ENTREP2: variants seen among roughly 807,000 people sequenced by gnomAD.
ENTREP2 encodes the protein endosomal transmembrane epsin interactor 2, also known as protein ENTREP2.
chr15:29,507,655 T>C, the ENTREP2 span, among the ~76,000 whole-genome samples: 2 of 152,148 alleles, frequency 1.3e-5, no homozygotes, highest in South Asian at 4.1e-4. Context: ...GAATGACCAC[T>C]GGGTAAATAA....
the ENTREP2 span, among the ~76,000 whole-genome samples, chr15:29,505,063 T>C: frequency 6.6e-6 from 1 of 152,244 alleles, no homozygotes; most frequent in African/African-American, 2.4e-5. This position sits in a 1 kb window ranked among gnomAD's most constrained non-coding sequence, Gnocchi z 4.3. Flanking sequence ...GAATATCTTA[T>C]ACAAACCATA....
the ENTREP2 span, among the ~76,000 whole-genome samples, chr15:29,243,369 T>C: frequency 2.0e-5 from 3 of 152,168 alleles, no homozygotes; most frequent in South Asian, 4.1e-4. Flanking sequence ...AAAGTCTAAC[T>C]ACCTAAAAAG....
the ENTREP2 span, among the ~76,000 whole-genome samples, chr15:29,465,628 ACT>A: frequency 3.9e-5 from 6 of 152,306 alleles, no homozygotes; most frequent in East Asian, 9.6e-4. Context: ...AGGCTTCCTG[ACT>A]CTGAGTCTTT....
chr15:29,390,622 G>C, the ENTREP2 span, among the ~76,000 whole-genome samples: 6 of 152,192 alleles, frequency 3.9e-5, no homozygotes, highest in South Asian at 1.2e-3. Context: ...AGGGATAACA[G>C]GCTGCCGGGA....
the ENTREP2 span, among the ~76,000 whole-genome samples, chr15:29,662,804 T>C: frequency 6.6e-6 from 1 of 152,138 alleles, no homozygotes; most frequent in Non-Finnish European, 1.5e-5. Flanking sequence ...CACTGCAACC[T>C]CTGCCTCCTG....
chr15:29,576,429 A>G, the ENTREP2 span, among the ~76,000 whole-genome samples: 1 of 152,258 alleles, frequency 6.6e-6, no homozygotes, highest in African/African-American at 2.4e-5. Flanking sequence ...ATTCTTAGAT[A>G]TGACAAGAGA....
the ENTREP2 span, among the ~76,000 whole-genome samples, chr15:29,129,515 C>T: frequency 3.3e-5 from 5 of 152,198 alleles, no homozygotes; most frequent in Non-Finnish European, 7.3e-5. Flanking sequence ...CAAGGTCTCG[C>T]TCCATGGCCC....
the ENTREP2 span, among the ~76,000 whole-genome samples, chr15:29,565,388 A>G: frequency 6.6e-6 from 1 of 151,658 alleles, no homozygotes; most frequent in East Asian, 1.9e-4. Flanking sequence ...TGGGGAATCT[A>G]TCCTCAAAAA....
chr15:29,136,939 A>T, the ENTREP2 span: 1 of 1,084,734 alleles, frequency 9.2e-7, no homozygotes, highest in Non-Finnish European at 1.2e-6. Flanking sequence ...CTCTGTTCTC[A>T]CCGCCATGCC....
At chr15:29,381,313 C>T in the ENTREP2 span, among the ~76,000 whole-genome samples, 17,370 of 150,758 alleles carry the variant, frequency 0.12, 1,213 homozygotes, top group African/African-American at 0.19. Flanking sequence ...AAAAATTAGC[C>T]GGGCATGGTG....
At chr15:29,224,234 C>T in the ENTREP2 span, among the ~76,000 whole-genome samples, 126 of 152,140 alleles carry the variant, frequency 8.3e-4, no homozygotes, top group Non-Finnish European at 1.5e-3. Context: ...TCGTTCCTCC[C>T]GGTGGGTTCG....
At chr15:29,394,978 C>G in the ENTREP2 span, among the ~76,000 whole-genome samples, 1 of 146,646 alleles carries the variant, frequency 6.8e-6, no homozygotes, top group East Asian at 2.0e-4. Context: ...AGCTCTGCCT[C>G]CTGGGTTCAT....
At chr15:29,348,121 A>G in the ENTREP2 span, among the ~76,000 whole-genome samples, 1 of 152,242 alleles carries the variant, frequency 6.6e-6, no homozygotes, top group Non-Finnish European at 1.5e-5. Flanking sequence ...TTGAAAAAAC[A>G]TCAACTTTTA....
At chr15:29,358,116 A>G in the ENTREP2 span, among the ~76,000 whole-genome samples, 2 of 152,160 alleles carry the variant, frequency 1.3e-5, no homozygotes, top group Non-Finnish European at 2.9e-5. Context: ...GTACCTGAGG[A>G]GACGGGCATT....
At chr15:29,471,857 C>T in the ENTREP2 span, among the ~76,000 whole-genome samples, 1 of 152,144 alleles carries the variant, frequency 6.6e-6, no homozygotes, top group South Asian at 2.1e-4. Context: ...CACATGCACA[C>T]GTGGAGATTT....
At chr15:29,535,106 C>T in the ENTREP2 span, among the ~76,000 whole-genome samples, 18 of 151,874 alleles carry the variant, frequency 1.2e-4, no homozygotes, top group African/African-American at 3.4e-4. Flanking sequence ...AAAAACTAGC[C>T]GGGCATGGTG....
the ENTREP2 span, among the ~76,000 whole-genome samples, chr15:29,301,117 T>C: frequency 6.6e-5 from 10 of 152,240 alleles, no homozygotes; most frequent in Admixed American, 2.0e-4. Flanking sequence ...ACCATGCTAC[T>C]CATATTTTTA....
At chr15:29,215,628 G>A in the ENTREP2 span, among the ~76,000 whole-genome samples, 1 of 151,078 alleles carries the variant, frequency 6.6e-6, no homozygotes. Flanking sequence ...AGAGAACCTA[G>A]ACTAACACAC....
the ENTREP2 span, among the ~76,000 whole-genome samples, chr15:29,653,409 G>T: frequency 3.3e-5 from 5 of 152,044 alleles, no homozygotes; most frequent in Admixed American, 2.0e-4. Flanking sequence ...ATACAGTTTG[G>T]CTGTGTCCCA....
Sources: allele counts gnomAD v4.1 joint callset (sites outside exome capture counted in the v4.1 genomes callset), GRCh38; gene constraint gnomAD v4.1.1; non-coding constraint Gnocchi (gnomAD v3.1); transcripts MANE v1.5; gene names NCBI Gene and HGNC (gene_info 2026-07-23, HGNC 2026-07-21).